FBXL7: variants seen among roughly 807,000 people sequenced by gnomAD.
FBXL7 encodes the protein F-box and leucine rich repeat protein 7, also known as F-box/LRR-repeat protein 7.
In FBXL7, 12 loss-of-function variants were observed where a neutral mutation model predicts 38.3. The ratio of observed to expected loss-of-function variants is 0.31; its 90% CI spans 0.20 to 0.51. FBXL7 has a LOEUF of 0.51. Ranked by LOEUF, FBXL7 falls within the 20% of genes least tolerant of loss-of-function variation. FBXL7 has a pLI of 0.98. For synonymous variants in FBXL7, 297 were observed against 300.9 expected, an observed-to-expected ratio of 0.99 and a Z score of 0.13; for missense variants, 567 against 676.4, an observed-to-expected ratio of 0.84 and a Z score of 1.79.
rs1042835075 is a variant in FBXL7, at chr5:15,615,972, G to C, written c.38-11G>C. The stretch of plus-strand genomic sequence containing the variant: ...CAAATCTCAAAAGCTGCTCATTCCT[G>C]TTTCTTCCAGGCAAAGGCAGCTCGA... On this transcript the variant is annotated splice_polypyrimidine_tract_variant and intron_variant, in intron 1 of 3. Transcript: ENST00000504595. 4 of 1,606,722 alleles carry C rather than the reference G, an allele frequency of 2.5e-6. No individual in the cohort carries two copies. The African/African-American group carries it at 5.4e-5, about 22-fold the overall frequency.
chr5:15,789,629 G>C (rs1373693595), intron 2 of FBXL7, among the ~76,000 whole-genome samples: 1 of 152,094 alleles, frequency 6.6e-6, no homozygotes, highest in Non-Finnish European at 1.5e-5. Flanking sequence ...CCTCCTGTAG[G>C]CTTGCACTTT....
In FBXL7 at chr5:15,551,315, A is replaced by AG. The variant is rs1738061484; in HGVS notation, c.37+50602_37+50603insG. On this transcript the variant is annotated intron_variant, in intron 1 of 3. Coordinates refer to ENST00000504595, the MANE Select transcript of FBXL7 (RefSeq NM_012304.5). ...CCTTTACTTTAGCTGTTAGGCAGCA[A>AG]CGTTTGAATAGTTCCCCTTTCAAGG... Among the ~76,000 whole-genome samples, 27 of 152,350 alleles carry AG rather than the reference A, an allele frequency of 1.8e-4. No homozygotes were observed. In the South Asian group the frequency reaches 5.2e-3, roughly 29 times the overall value.
chr5:15,636,960 T>TG (rs1471499460), intron 2 of FBXL7, among the ~76,000 whole-genome samples: 2 of 130,534 alleles, frequency 1.5e-5, no homozygotes, highest in African/African-American at 5.9e-5. Flanking sequence ...GCAGAAATTT[T>TG]TTTGTTGTTT....
At chr5:15,545,909 A>G (rs1158967208) in intron 1 of FBXL7, among the ~76,000 whole-genome samples, 1 of 152,220 alleles carries the variant, frequency 6.6e-6, no homozygotes, top group Admixed American at 6.5e-5. Context: ...ATCTGCACTG[A>G]CCACTATGAT....
chr5:15,582,314 C>A (rs1184132764), intron 1 of FBXL7, among the ~76,000 whole-genome samples: 2 of 152,122 alleles, frequency 1.3e-5, no homozygotes, highest in East Asian at 1.9e-4. Flanking sequence ...AGACTTTTTT[C>A]TACTCTGGAT....
intron 2 of FBXL7, among the ~76,000 whole-genome samples, chr5:15,698,406 AC>A (rs1317035546): frequency 6.6e-6 from 1 of 152,194 alleles, no homozygotes; most frequent in Non-Finnish European, 1.5e-5. Flanking sequence ...GAGTCCTGAT[AC>A]CGAAAAAGAA....
intron 2 of FBXL7, among the ~76,000 whole-genome samples, chr5:15,845,869 G>T (rs954927879): frequency 3.3e-5 from 5 of 152,218 alleles, no homozygotes; most frequent in Non-Finnish European, 7.3e-5. Flanking sequence ...TACTCGGGAG[G>T]CTGAGGCAGG....
intron 2 of FBXL7, among the ~76,000 whole-genome samples, chr5:15,686,142 T>C (rs980994729): frequency 1.3e-5 from 2 of 152,288 alleles, no homozygotes; most frequent in African/African-American, 4.8e-5. Context: ...ATGCATCCAG[T>C]TAGCTGTCTG....
intron 1 of FBXL7, among the ~76,000 whole-genome samples, chr5:15,610,455 A>C (rs1740194561): frequency 6.6e-6 from 1 of 152,186 alleles, no homozygotes; most frequent in African/African-American, 2.4e-5. Flanking sequence ...AAAAGGGCTG[A>C]GAATGTAGGC....
chr5:15,503,266 C>G (rs1275745924), intron 1 of FBXL7, among the ~76,000 whole-genome samples: 1 of 152,108 alleles, frequency 6.6e-6, no homozygotes, highest in Non-Finnish European at 1.5e-5. Flanking sequence ...ACTAAAAATA[C>G]AAAAAGTATC....
At chr5:15,582,519 T>C (rs564430888) in intron 1 of FBXL7, among the ~76,000 whole-genome samples, 1 of 152,184 alleles carries the variant, frequency 6.6e-6, no homozygotes, top group Non-Finnish European at 1.5e-5. Flanking sequence ...AGCAGTTTCA[T>C]AGACAACATT....
At chr5:15,623,924 C>A (rs1740728072) in intron 2 of FBXL7, among the ~76,000 whole-genome samples, 1 of 152,072 alleles carries the variant, frequency 6.6e-6, no homozygotes, top group African/African-American at 2.4e-5. Context: ...TAGTAGGTGG[C>A]AAAGATTATA....
At chr5:15,511,440 A>C (rs1487812824) in intron 1 of FBXL7, among the ~76,000 whole-genome samples, 1 of 152,240 alleles carries the variant, frequency 6.6e-6, no homozygotes, top group East Asian at 1.9e-4. Flanking sequence ...GCAAAAGCTC[A>C]TGGAGGGCTG....
At chr5:15,691,431 A>G (rs1360378945) in intron 2 of FBXL7, among the ~76,000 whole-genome samples, 1 of 152,214 alleles carries the variant, frequency 6.6e-6, no homozygotes. Flanking sequence ...CCTTTGCTCT[A>G]AAGTGCTAAC....
chr5:15,806,614 G>A (rs1481592354), intron 2 of FBXL7, among the ~76,000 whole-genome samples: 1 of 152,012 alleles, frequency 6.6e-6, no homozygotes, highest in African/African-American at 2.4e-5. Context: ...TAATTATCAG[G>A]TTGGGACAAC....
chr5:15,576,713 A>G (rs1738980350), intron 1 of FBXL7, among the ~76,000 whole-genome samples: 1 of 152,078 alleles, frequency 6.6e-6, no homozygotes, highest in Non-Finnish European at 1.5e-5. Context: ...TTGGTCCTTA[A>G]TAACTTGATG....
chr5:15,912,787 C>A (rs901570242), intron 2 of FBXL7, among the ~76,000 whole-genome samples: 9 of 152,092 alleles, frequency 5.9e-5, no homozygotes, highest in South Asian at 2.1e-4. Flanking sequence ...AGTCTTTGTG[C>A]TATTTAATAT....
chr5:15,638,121 G>A (rs1741245735), intron 2 of FBXL7, among the ~76,000 whole-genome samples: 1 of 152,192 alleles, frequency 6.6e-6, no homozygotes, highest in South Asian at 2.1e-4. Flanking sequence ...CTATGACAAA[G>A]GCAAAGGAAG....
chr5:15,928,299 G>A lies in FBXL7; in HGVS notation c.537G>A (p.Gln179=). 1 of 1,613,492 alleles carries A rather than the reference G, an allele frequency of 6.2e-7. No individual in the cohort carries two copies. The highest frequency in any genetic ancestry group is 1.1e-5 in the South Asian group (1 of 90,956). The stretch of plus-strand genomic sequence containing the variant: ...AGGTGCTGACCCGCAGACTCTGCCA[G>A]GACACCCCCAACGTGTGTCTCATGC... ...ALKVLTRRLC[Q]DTPNVCLMLE... is the part of the protein sequence containing the mutation. Residue 179 remains glutamine (Q), a synonymous_variant, in exon 3 of 4, where the codon CAG becomes CAA. Transcript: ENST00000504595. The surrounding 1 kb of genome is among the most constrained non-coding windows in gnomAD (Gnocchi z 4.0).
Sources: gnomAD v4.1 joint callset for allele counts (sites outside exome capture counted in the v4.1 genomes callset) on GRCh38, gnomAD v4.1.1 for gene constraint, Gnocchi (gnomAD v3.1) non-coding constraint, MANE v1.5 for transcripts, NCBI Gene and HGNC (gene_info 2026-07-23, HGNC 2026-07-21) for gene names.